Variants in SLC4A5 observed in about 807,000 individuals in gnomAD.
SLC4A5 encodes the protein solute carrier family 4 member 5.
Under a neutral mutation model 120.4 loss-of-function variants are expected in SLC4A5, and 96 were observed. The ratio of observed to expected loss-of-function variants is 0.80; its 90% CI spans 0.68 to 0.94. SLC4A5 has a LOEUF of 0.94. Ranked by LOEUF, SLC4A5 falls within the 40% of genes least tolerant of loss-of-function variation. The pLI is 0.00. For synonymous variants in SLC4A5, 550 were observed against 571.1 expected, an observed-to-expected ratio of 0.96 and a Z score of 0.53; for missense variants, 1,259 against 1,459.5, an observed-to-expected ratio of 0.86 and a Z score of 2.24.
chr2:74,227,013 G>A, exon 27 of SLC4A5: 1 of 1,614,186 alleles, frequency 6.2e-7, no homozygotes, highest in Non-Finnish European at 8.5e-7. Context: ...AGCACCGCCA[G>A]GCAGAGGATC....
chr2:74,225,416 T>C lies in SLC4A5; in HGVS notation c.3091-421A>G, dbSNP rs142721452. On this transcript the variant is annotated intron_variant, in intron 27 of 30. Coordinates refer to ENST00000394019, the Ensembl canonical transcript of SLC4A5. ...TTTAAGACCAGCCTGGCCAACATGG[T>C]GAAACCCTGTCCCTACTAAAAGTAC... Among the ~76,000 whole-genome samples, 356 of 152,170 alleles carry C rather than the reference T, an allele frequency of 2.3e-3. 4 individuals carry two copies. Among genetic ancestry groups the C allele is most frequent in the African/African-American group, 7.8e-3 (325 of 41,520 alleles).
chr2:74,250,591 T>C (rs1670760019), intron 16 of SLC4A5, 74 bp from the exon 17 acceptor site: 1 of 1,565,970 alleles, frequency 6.4e-7, no homozygotes, highest in South Asian at 1.2e-5. Flanking sequence ...TTACAAGAAC[T>C]TGCAGAGTCT....
Position 74,233,501 on chromosome 2 carries a change from G to T in SLC4A5, c.2496C>A (p.Tyr832Ter), listed in dbSNP as rs773974428. 1 of 1,614,106 alleles carries T rather than the reference G, an allele frequency of 6.2e-7. No individual in the cohort carries two copies. Residue 832 changes from tyrosine (Y) to a stop codon, truncating the protein, a stop_gained, in exon 23 of 31, where the codon TAC becomes TAA. Coordinates refer to ENST00000394019, the Ensembl canonical transcript of SLC4A5. LOFTEE classifies it high-confidence loss of function. ...GCAGGGCGGGCAGGATGCTTGCTGG[G>T]TATACCCACCACGGGTTCTTCCCAA...
At chr2:74,246,126 G>A (rs1335152146) in intron 19 of SLC4A5, among the ~76,000 whole-genome samples, 1 of 152,232 alleles carries the variant, frequency 6.6e-6, no homozygotes, top group African/African-American at 2.4e-5. Context: ...GACTATGGAG[G>A]AGGCTCAGAT....
Position 74,254,648 on chromosome 2 carries a change from G to A in SLC4A5, c.1084C>T (p.Arg362Cys), listed in dbSNP as rs749336270. 5.7e-5 allele frequency: 92 copies of A among 1,613,846 alleles called. No homozygotes were observed. The highest frequency in any genetic ancestry group is 1.6e-4 in the Middle Eastern group (1 of 6,082). ...TCTACCATGAGGGTTGCAATGGCAC[G>A]GCCAATTTCATTGTAGGATTTTGCT... is the stretch of plus-strand genomic sequence containing the variant. Residue 362 changes from arginine to cysteine, a missense_variant, in exon 14 of 31, where the codon CGT (arginine) becomes TGT (cysteine). Coordinates refer to ENST00000394019, the Ensembl canonical transcript of SLC4A5.
At chr2:74,238,063 T>C (rs1463811084) in intron 21 of SLC4A5, among the ~76,000 whole-genome samples, 2 of 151,902 alleles carry the variant, frequency 1.3e-5, no homozygotes, top group Admixed American at 1.3e-4. Context: ...GATCATGCCA[T>C]TTCACTCCCA....
exon 5 of SLC4A5, chr2:74,328,124 G>C: frequency 2.0e-6 from 2 of 985,790 alleles, no homozygotes; most frequent in Non-Finnish European, 2.4e-6. Flanking sequence ...ACTTACCTTT[G>C]TGTTCTTAGC....
At chr2:74,231,802 T>G (rs1326454774) in intron 24 of SLC4A5, among the ~76,000 whole-genome samples, 1 of 151,854 alleles carries the variant, frequency 6.6e-6, no homozygotes, top group Non-Finnish European at 1.5e-5. Context: ...GTGTCAGGGG[T>G]GGGAGGCAGG....
intron 7 of SLC4A5, chr2:74,290,188 G>T (rs1672112495): frequency 1.0e-6 from 1 of 985,424 alleles, no homozygotes; most frequent in African/African-American, 1.7e-5. Context: ...GACAGGTCCT[G>T]GAGAGAGGAG....
At chr2:74,294,435 G>T (rs1672267123) in intron 7 of SLC4A5, among the ~76,000 whole-genome samples, 1 of 152,178 alleles carries the variant, frequency 6.6e-6, no homozygotes, top group Non-Finnish European at 1.5e-5. Flanking sequence ...GTCACCAAGA[G>T]TCTTCAATTT....
At chr2:74,216,259 A>G (rs2103848405) in exon 31 of SLC4A5, 1 of 152,348 alleles carries the variant, frequency 6.6e-6, no homozygotes, top group South Asian at 2.1e-4. Flanking sequence ...ACAGGATTAA[A>G]TTTTATTGAA....
chr2:74,248,266 A>T lies in SLC4A5; in HGVS notation c.1787+87T>A, dbSNP rs181165953. On this transcript the variant is annotated intron_variant, in intron 18 of 30. Coordinates refer to ENST00000394019, the Ensembl canonical transcript of SLC4A5. ...CTTTGGCACCACCGCACCACCACCTACCCTTGGGACCTATTCCCCTGCCCT... is the reference window on the plus strand; with the variant it reads ...CTTTGGCACCACCGCACCACCACCTTCCCTTGGGACCTATTCCCCTGCCCT... The T allele has an allele frequency of 1.6e-5, 24 of 1,523,654 alleles. 1 individual carries two copies. In the African/African-American group the frequency reaches 3.3e-4, roughly 21 times the overall value. The allele number at this position is 1,523,654 out of a possible 1,614,324, so 94.4% of individuals were successfully genotyped here. A position where few individuals can be genotyped will look rare whatever the true frequency, so the allele number is the denominator to read the frequency against.
At chr2:74,304,536 C>T (rs1446084184) in exon 7 of SLC4A5, 2 of 1,613,966 alleles carry the variant, frequency 1.2e-6, no homozygotes, top group Non-Finnish European at 1.7e-6. Flanking sequence ...GCTTGCCCCA[C>T]TCCCTGGGCC....
At chr2:74,275,229 T>C (rs1257719430) in intron 8 of SLC4A5, among the ~76,000 whole-genome samples, 3 of 151,910 alleles carry the variant, frequency 2.0e-5, no homozygotes, top group Admixed American at 1.3e-4. Context: ...GGAATGGGGG[T>C]GGCCTCTGCT....
At chr2:74,297,692 C>T (rs780047620) in intron 7 of SLC4A5, among the ~76,000 whole-genome samples, 4 of 152,206 alleles carry the variant, frequency 2.6e-5, no homozygotes, top group Non-Finnish European at 4.4e-5. Flanking sequence ...CTGGCTCCTA[C>T]TGACTTTCAC....
chr2:74,266,879 T>C (rs1671318620), intron 8 of SLC4A5, among the ~76,000 whole-genome samples: 1 of 152,044 alleles, frequency 6.6e-6, no homozygotes, highest in African/African-American at 2.4e-5. Flanking sequence ...AAATAACATA[T>C]AAATCAAGTT....
intron 25 of SLC4A5, 147 bp downstream of exon 25, chr2:74,231,089 G>C (rs970578855): frequency 3.1e-6 from 2 of 647,950 alleles, no homozygotes; most frequent in Admixed American, 5.7e-5. Flanking sequence ...TTATAGGTGT[G>C]AGCCACCATG....
chr2:74,275,443 C>G (rs1366419196), intron 8 of SLC4A5, among the ~76,000 whole-genome samples: 2 of 152,334 alleles, frequency 1.3e-5, no homozygotes, highest in Non-Finnish European at 2.9e-5. Flanking sequence ...CCTGTAATTG[C>G]CCCATGGGAC....
At chr2:74,220,696 T>A (rs1303684862) in intron 30 of SLC4A5, among the ~76,000 whole-genome samples, 1 of 149,688 alleles carries the variant, frequency 6.7e-6, no homozygotes, top group Non-Finnish European at 1.5e-5. Flanking sequence ...TTTTGTATTT[T>A]TAGTAGAGAC....
Sources: allele counts gnomAD v4.1 joint callset (sites outside exome capture counted in the v4.1 genomes callset), GRCh38; gene constraint gnomAD v4.1.1; transcripts MANE v1.5; gene names NCBI Gene and HGNC (gene_info 2026-07-23, HGNC 2026-07-21).